The following WWOX variants were observed in gnomAD, a reference collection of about 807,000 sequenced individuals.
WWOX encodes WW domain containing oxidoreductase, also known as WW domain-containing oxidoreductase.
A neutral mutation model predicts 46.2 loss-of-function variants in WWOX; 69 were observed. That is an observed-to-expected ratio of 1.49 (90% CI 1.23 to 1.82). WWOX has a LOEUF of 1.82. WWOX is among the 40% of genes most tolerant of loss of function. WWOX has a pLI of 0.00. For missense variants in WWOX, 919 were observed against 542.6 expected (o/e 1.69, Z -6.89); for synonymous variants, 359 against 202.6 (o/e 1.77, Z -6.56).
intron 8 of WWOX, among the ~76,000 whole-genome samples, chr16:78,886,864 G>A (rs78634735): frequency 0.057 from 8,618 of 151,988 alleles, 365 homozygotes; most frequent in Non-Finnish European, 0.093. Context: ...AGTCTTATGG[G>A]ATTGTGATGC....
intron 5 of WWOX, among the ~76,000 whole-genome samples, chr16:78,356,438 C>G (rs948366772): frequency 6.6e-6 from 1 of 152,154 alleles, no homozygotes; most frequent in Non-Finnish European, 1.5e-5. Context: ...GGGAAAATCT[C>G]AGTCCCCAGG....
At chr16:79,027,087 C>G (rs932081339) in intron 8 of WWOX, among the ~76,000 whole-genome samples, 44 of 151,520 alleles carry the variant, frequency 2.9e-4, no homozygotes, top group Middle Eastern at 3.4e-3. Flanking sequence ...CAAGACCAGC[C>G]TTGGCAACAT....
chr16:78,602,873 G>T (rs2045655509), intron 8 of WWOX, among the ~76,000 whole-genome samples: 1 of 152,078 alleles, frequency 6.6e-6, no homozygotes, highest in Non-Finnish European at 1.5e-5. Context: ...AGTAATTTTT[G>T]CCAATCCTGA....
intron 8 of WWOX, among the ~76,000 whole-genome samples, chr16:78,528,157 C>G (rs1439603037): frequency 1.6e-5 from 2 of 124,572 alleles, no homozygotes; most frequent in Admixed American, 8.8e-5. Flanking sequence ...CGCCACCACA[C>G]CTGGCTAATT....
chr16:78,720,951 G>C (rs1399511613), intron 8 of WWOX, among the ~76,000 whole-genome samples: 3 of 151,330 alleles, frequency 2.0e-5, no homozygotes, highest in Non-Finnish European at 4.4e-5. Flanking sequence ...TCCATCATCA[G>C]GGGAGCCAAG....
chr16:78,317,563 C>G (rs1233782168), intron 5 of WWOX, among the ~76,000 whole-genome samples: 4 of 152,126 alleles, frequency 2.6e-5, no homozygotes, highest in Admixed American at 1.3e-4. Context: ...TACCTCCTTC[C>G]AGAACCTGAG....
At chr16:78,890,071 G>A (rs1185889333) in intron 8 of WWOX, among the ~76,000 whole-genome samples, 3 of 151,560 alleles carry the variant, frequency 2.0e-5, no homozygotes, top group Non-Finnish European at 4.4e-5. Flanking sequence ...TTACATAATT[G>A]CTCCTAGGGA....
At chr16:78,789,296 T>G (rs116793423) in intron 8 of WWOX, among the ~76,000 whole-genome samples, 3 of 152,222 alleles carry the variant, frequency 2.0e-5, no homozygotes, top group African/African-American at 7.2e-5. Flanking sequence ...ATGTTAAGAC[T>G]TTTGATCCAT....
chr16:79,116,388 T>C (rs2049516314), intron 8 of WWOX, among the ~76,000 whole-genome samples: 1 of 152,256 alleles, frequency 6.6e-6, no homozygotes, highest in African/African-American at 2.4e-5. Flanking sequence ...AACTCGCCAC[T>C]GCTTTATCAG....
intron 8 of WWOX, among the ~76,000 whole-genome samples, chr16:78,802,676 G>C (rs909516050): frequency 3.3e-5 from 5 of 151,800 alleles, no homozygotes; most frequent in Non-Finnish European, 5.9e-5. Context: ...AGCACTTTGA[G>C]AGGCCAAGGC....
Position 78,251,231 on chromosome 16 carries a change from A to G in WWOX, c.516+86942A>G, listed in dbSNP as rs577115059. Among the ~76,000 whole-genome samples the G allele has an allele frequency of 2.6e-5, 4 of 152,054 alleles. No individual in the cohort carries two copies. In the South Asian group the frequency reaches 8.3e-4, roughly 32 times the overall value. The stretch of plus-strand genomic sequence containing the variant: ...AGGAGGAAGCCTACTTTTGTTTTTT[A>G]CCCAGTTTCTGTTCAAAGGTCGTAT... On this transcript the variant is annotated intron_variant, in intron 5 of 8. Coordinates refer to ENST00000566780, the MANE Select transcript of WWOX (RefSeq NM_016373.4).
At chr16:78,888,838 C>T (rs1472007908) in intron 8 of WWOX, among the ~76,000 whole-genome samples, 3 of 151,994 alleles carry the variant, frequency 2.0e-5, no homozygotes, top group Non-Finnish European at 4.4e-5. Flanking sequence ...TTCATAGTCT[C>T]AACTATGTCT....
intron 8 of WWOX, among the ~76,000 whole-genome samples, chr16:78,835,612 T>C (rs2051957504): frequency 6.6e-6 from 1 of 152,194 alleles, no homozygotes; most frequent in Admixed American, 6.5e-5. Context: ...AGATCAGTTA[T>C]TATGAATGTG....
intron 8 of WWOX, among the ~76,000 whole-genome samples, chr16:78,862,361 A>G (rs903707314): frequency 4.0e-5 from 6 of 151,268 alleles, no homozygotes; most frequent in East Asian, 3.9e-4. Context: ...ATATATATAA[A>G]CACTATAGTA....
chr16:78,345,268 G>T lies in WWOX; in HGVS notation c.517-41592G>T, dbSNP rs1001108547. On this transcript the variant is annotated intron_variant, in intron 5 of 8. Coordinates refer to ENST00000566780, the MANE Select transcript of WWOX (RefSeq NM_016373.4). ...TCGTATTCCTCATCTATAAAAGGGAGACTTCAATCTTATTTAATGGCAAAA... is the reference window on the plus strand; with the variant it reads ...TCGTATTCCTCATCTATAAAAGGGATACTTCAATCTTATTTAATGGCAAAA... Among the ~76,000 whole-genome samples the T allele has an allele frequency of 1.8e-5, 2 of 113,548 alleles. 1 individual carries two copies. Among genetic ancestry groups the T allele is most frequent in the Non-Finnish European group, 4.1e-5 (2 of 48,310 alleles). 74.5% of individuals were successfully genotyped at this position (113,548 alleles called of 152,430 possible).
intron 8 of WWOX, among the ~76,000 whole-genome samples, chr16:78,888,223 G>T (rs2044509132): frequency 6.6e-6 from 1 of 152,148 alleles, no homozygotes; most frequent in Non-Finnish European, 1.5e-5. Flanking sequence ...AAGGTGTTGG[G>T]CAACTGGGGG....
chr16:78,982,954 G>C (rs1317246229), intron 8 of WWOX, among the ~76,000 whole-genome samples: 1 of 152,166 alleles, frequency 6.6e-6, no homozygotes, highest in Non-Finnish European at 1.5e-5. Context: ...ATATAAAACT[G>C]TTTGCAATGG....
intron 8 of WWOX, among the ~76,000 whole-genome samples, chr16:79,191,357 A>T (rs1204585380): frequency 1.3e-5 from 2 of 152,176 alleles, no homozygotes; most frequent in Non-Finnish European, 2.9e-5. Context: ...CGCCCAGCCC[A>T]TGACTTCTCT....
intron 8 of WWOX, among the ~76,000 whole-genome samples, chr16:78,655,967 T>C (rs111818434): frequency 3.9e-4 from 59 of 152,246 alleles, no homozygotes; most frequent in African/African-American, 1.4e-3. Context: ...GGGAGAAGCC[T>C]TGGTTTTGCC....
Sources: gnomAD v4.1 joint callset for allele counts (sites outside exome capture counted in the v4.1 genomes callset) on GRCh38, gnomAD v4.1.1 for gene constraint, MANE v1.5 for transcripts, NCBI Gene and HGNC (gene_info 2026-07-23, HGNC 2026-07-21) for gene names.